CNTNAP2: variants seen among roughly 807,000 people sequenced by gnomAD.
CNTNAP2 encodes the protein contactin associated protein 2.
In CNTNAP2, 98 loss-of-function variants were observed where a neutral mutation model predicts 155.2. That is an observed-to-expected ratio of 0.63 (90% CI 0.54 to 0.75). The LOEUF is 0.75. Among genes scored for constraint, CNTNAP2 ranks in the 30% least tolerant of loss-of-function variants. The pLI, the probability that CNTNAP2 is intolerant of heterozygous loss-of-function variation, is 0.00. For synonymous variants in CNTNAP2, 651 were observed against 631.2 expected (o/e 1.03, Z -0.47); for missense variants, 1,727 against 1,688.1 (o/e 1.02, Z -0.40).
chr7:147,902,114 C>T (rs918843613), intron 13 of CNTNAP2, among the ~76,000 whole-genome samples: 2 of 152,122 alleles, frequency 1.3e-5, no homozygotes, highest in African/African-American at 4.8e-5. Flanking sequence ...GCCCATACAC[C>T]TTCATTGCGG....
chr7:148,091,449 G>A (rs1007257306), intron 15 of CNTNAP2, among the ~76,000 whole-genome samples: 1 of 152,134 alleles, frequency 6.6e-6, no homozygotes, highest in Non-Finnish European at 1.5e-5. Context: ...TCTCAAAGCT[G>A]ATAAGTAATG....
intron 1 of CNTNAP2, among the ~76,000 whole-genome samples, chr7:146,695,599 A>T (rs1563192201): frequency 1.3e-5 from 2 of 151,172 alleles, no homozygotes; most frequent in African/African-American, 4.9e-5. Context: ...TGTTTTTCAT[A>T]TTTTTTTTGT....
intron 10 of CNTNAP2, among the ~76,000 whole-genome samples, chr7:147,412,686 A>C (rs752987101): frequency 3.3e-5 from 5 of 152,204 alleles, no homozygotes; most frequent in Non-Finnish European, 5.9e-5. Context: ...TGAAATTATA[A>C]AGAAGGAAAA....
intron 8 of CNTNAP2, among the ~76,000 whole-genome samples, chr7:147,203,589 C>T (rs118146230): frequency 2.3e-3 from 343 of 152,230 alleles, no homozygotes; most frequent in Non-Finnish European, 3.2e-3. Flanking sequence ...TCCAGAAATA[C>T]TTCTTAGAAT....
In CNTNAP2 at chr7:148,257,886, T is replaced by C. The variant is rs191956394; in HGVS notation, c.3382-9147T>C. Among the ~76,000 whole-genome samples, 7 of 151,596 alleles carry C rather than the reference T, an allele frequency of 4.6e-5. No individual in the cohort carries two copies. The East Asian group carries it at 7.8e-4, about 17-fold the overall frequency. On this transcript the variant is annotated intron_variant, in intron 20 of 23. Transcript: ENST00000361727. The stretch of plus-strand genomic sequence containing the variant: ...AGATTCCTCCCTCTACAAACAGAAG[T>C]TCTAATGGAAGTAAAAGCTAGGAAT...
intron 3 of CNTNAP2, among the ~76,000 whole-genome samples, chr7:146,887,118 C>CAGAT (rs1237044500): frequency 1.3e-5 from 2 of 151,842 alleles, no homozygotes; most frequent in Non-Finnish European, 2.9e-5. Context: ...TTTTCTATCT[C>CAGAT]AGATATCTAG....
At chr7:147,432,639 A>G (rs1393338050) in intron 10 of CNTNAP2, among the ~76,000 whole-genome samples, 1 of 152,168 alleles carries the variant, frequency 6.6e-6, no homozygotes, top group Non-Finnish European at 1.5e-5. Context: ...ATATTTCCAC[A>G]CAATTTCTCT....
intron 14 of CNTNAP2, among the ~76,000 whole-genome samples, chr7:147,961,776 G>A (rs374171454): frequency 7.4e-4 from 112 of 152,162 alleles, no homozygotes; most frequent in African/African-American, 2.4e-3. Context: ...CTTGGTCATC[G>A]AATATTCATT....
chr7:146,430,480 C>T (rs879501582), intron 1 of CNTNAP2, among the ~76,000 whole-genome samples: 2 of 151,896 alleles, frequency 1.3e-5, no homozygotes, highest in African/African-American at 2.4e-5. Context: ...CAGAAGTAGA[C>T]AGGATATGAA....
chr7:147,031,645 C>T (rs1799034290), intron 3 of CNTNAP2, among the ~76,000 whole-genome samples: 1 of 152,240 alleles, frequency 6.6e-6, no homozygotes, highest in Non-Finnish European at 1.5e-5. Flanking sequence ...TGGCTGGGTG[C>T]AGAGGCCCAT....
intron 3 of CNTNAP2, among the ~76,000 whole-genome samples, chr7:147,020,238 A>C (rs1798796098): frequency 6.6e-6 from 1 of 152,136 alleles, no homozygotes; most frequent in Admixed American, 6.6e-5. Context: ...TATTTATATA[A>C]GCTGTTTAAA....
At chr7:146,157,855 A>G (rs770842070) in intron 1 of CNTNAP2, among the ~76,000 whole-genome samples, 1 of 152,190 alleles carries the variant, frequency 6.6e-6, no homozygotes, top group Admixed American at 6.5e-5. Flanking sequence ...GCAGACTTAA[A>G]CTTCCCTGTC....
chr7:146,509,580 G>A (rs1797436007), intron 1 of CNTNAP2, among the ~76,000 whole-genome samples: 1 of 152,114 alleles, frequency 6.6e-6, no homozygotes, highest in African/African-American at 2.4e-5. Flanking sequence ...TTTCTGATGA[G>A]CCACTGGGGG....
intron 10 of CNTNAP2, among the ~76,000 whole-genome samples, chr7:147,470,588 G>A (rs1380457976): frequency 6.6e-6 from 1 of 151,970 alleles, no homozygotes; most frequent in Non-Finnish European, 1.5e-5. Context: ...CTTGGATTGG[G>A]GTAATAGCAG....
At chr7:146,813,604 T>C (rs1803109527) in intron 2 of CNTNAP2, among the ~76,000 whole-genome samples, 1 of 152,180 alleles carries the variant, frequency 6.6e-6, no homozygotes, top group Non-Finnish European at 1.5e-5. Flanking sequence ...ACTTGCCTTG[T>C]CTCAGATGAG....
intron 3 of CNTNAP2, among the ~76,000 whole-genome samples, chr7:146,892,166 C>G (rs1795791531): frequency 6.6e-6 from 1 of 152,106 alleles, no homozygotes; most frequent in African/African-American, 2.4e-5. Context: ...CCAAGACGGC[C>G]CACTCAATGG....
chr7:146,467,421 A>G (rs943729782), intron 1 of CNTNAP2, among the ~76,000 whole-genome samples: 5 of 152,144 alleles, frequency 3.3e-5, no homozygotes, highest in African/African-American at 1.2e-4. Flanking sequence ...TGATGGTAGT[A>G]AATAGGTTTT....
At chr7:148,076,261 A>G (rs529716193) in intron 15 of CNTNAP2, among the ~76,000 whole-genome samples, 20 of 151,892 alleles carry the variant, frequency 1.3e-4, no homozygotes, top group Non-Finnish European at 2.5e-4. Flanking sequence ...AGATATTTTT[A>G]CTTGGGCATG....
chr7:147,558,721 C>T (rs143447055), intron 11 of CNTNAP2, among the ~76,000 whole-genome samples: 2 of 44,688 alleles, frequency 4.5e-5, no homozygotes, highest in Non-Finnish European at 1.0e-4. Flanking sequence ...TCCTTCCTTC[C>T]TTCCTTCCTT....
Sources: gnomAD v4.1 joint callset for allele counts (sites outside exome capture counted in the v4.1 genomes callset) on GRCh38, gnomAD v4.1.1 for gene constraint, MANE v1.5 for transcripts, NCBI Gene and HGNC (gene_info 2026-07-23, HGNC 2026-07-21) for gene names.